The following GNAQ variants were observed in gnomAD, a reference collection of about 807,000 sequenced individuals.
The protein encoded by GNAQ is G protein subunit alpha q, also known as guanine nucleotide-binding protein G(q) subunit alpha.
Under a neutral mutation model 43.9 loss-of-function variants are expected in GNAQ, and 8 were observed. The ratio of observed to expected loss-of-function variants is 0.18; its 90% CI spans 0.11 to 0.33. The LOEUF is 0.33. Ranked by LOEUF, GNAQ falls within the 10% of genes least tolerant of loss-of-function variation. The pLI is 1.00. For missense variants in GNAQ, 158 were observed against 450.8 expected, an observed-to-expected ratio of 0.35 and a Z score of 5.88; for synonymous variants, 155 against 170.7, an observed-to-expected ratio of 0.91 and a Z score of 0.71.
At chr9:77,761,454 G>GT (rs1826019148) in intron 5 of GNAQ, among the ~76,000 whole-genome samples, 1 of 139,318 alleles carries the variant, frequency 7.2e-6, no homozygotes, top group Non-Finnish European at 1.6e-5. Context: ...GAGGTTGGGG[G>GT]GTCAGCCCCC....
chr9:78,026,193 T>C (rs755727903), intron 1 of GNAQ, among the ~76,000 whole-genome samples: 17 of 152,208 alleles, frequency 1.1e-4, no homozygotes, highest in Non-Finnish European at 2.4e-4. Context: ...ATATTTTCAC[T>C]GTTCAGCAGG....
intron 2 of GNAQ, among the ~76,000 whole-genome samples, chr9:77,851,640 C>T (rs1286281916): frequency 6.6e-6 from 1 of 152,220 alleles, no homozygotes; most frequent in Non-Finnish European, 1.5e-5. Context: ...TGCCTCCCCA[C>T]TCCTGATCCC....
chr9:77,724,422 C>T (rs1428085030), intron 6 of GNAQ, among the ~76,000 whole-genome samples: 2 of 152,148 alleles, frequency 1.3e-5, no homozygotes, highest in Non-Finnish European at 2.9e-5. Context: ...GTCTTCAACT[C>T]CTGGCCTCAA....
chr9:77,728,004 C>CTT (rs546463364), intron 6 of GNAQ, among the ~76,000 whole-genome samples: 10,477 of 148,634 alleles, frequency 0.07, 767 homozygotes, highest in East Asian at 0.27. Flanking sequence ...AGTTTCTTTT[C>CTT]TTTTTTTTTT....
At chr9:78,028,978 G>GA (rs1022787690) in intron 1 of GNAQ, among the ~76,000 whole-genome samples, 1 of 151,724 alleles carries the variant, frequency 6.6e-6, no homozygotes, top group African/African-American at 2.4e-5. Flanking sequence ...CTAATAAGAG[G>GA]AAAAAAAAGT....
intron 4 of GNAQ, among the ~76,000 whole-genome samples, chr9:77,794,978 G>A (rs780969845): frequency 3.3e-5 from 5 of 152,066 alleles, no homozygotes; most frequent in East Asian, 1.9e-4. Flanking sequence ...CTATAAAATC[G>A]GAAAAAAGAT....
chr9:77,989,084 T>A (rs943969572), intron 1 of GNAQ, among the ~76,000 whole-genome samples: 2 of 152,190 alleles, frequency 1.3e-5, no homozygotes, highest in Non-Finnish European at 2.9e-5. Context: ...AACTTTTTTT[T>A]AGTAAAATTA....
At position 77,788,097 on chromosome 9, in the gene GNAQ, C is replaced by T. The variant is rs76017554; in HGVS notation, c.735+6366G>A. ...TTCTGCAAAATAAACAAAATGAAAACGACAAACCATGTAGTGACAGATAAT... is the reference window on the plus strand; with the variant it reads ...TTCTGCAAAATAAACAAAATGAAAATGACAAACCATGTAGTGACAGATAAT... On this transcript the variant is annotated intron_variant, in intron 5 of 6. Coordinates refer to ENST00000286548, the MANE Select transcript of GNAQ (RefSeq NM_002072.5). Among the ~76,000 whole-genome samples, 1,124 of 152,166 alleles carry T rather than the reference C, an allele frequency of 7.4e-3. 12 individuals are homozygous for T. Among genetic ancestry groups the T allele is most frequent in the African/African-American group, 0.025 (1,057 of 41,536 alleles).
At chr9:77,910,985 G>A (rs1459306841) in intron 2 of GNAQ, among the ~76,000 whole-genome samples, 10 of 152,166 alleles carry the variant, frequency 6.6e-5, no homozygotes, top group African/African-American at 2.2e-4. Context: ...GTGTTCACTC[G>A]TTAATTCATT....
chr9:77,884,953 T>C (rs1194022542), intron 2 of GNAQ, among the ~76,000 whole-genome samples: 1 of 152,200 alleles, frequency 6.6e-6, no homozygotes, highest in Admixed American at 6.5e-5. Flanking sequence ...CACCCATTTC[T>C]CAAAGCTTTA....
At chr9:77,950,061 ACTCTT>A (rs970387589) in intron 1 of GNAQ, among the ~76,000 whole-genome samples, 1 of 151,694 alleles carries the variant, frequency 6.6e-6, no homozygotes, top group Non-Finnish European at 1.5e-5. Flanking sequence ...ATTTACCCTG[ACTCTT>A]CTCTTATCAA....
intron 1 of GNAQ, among the ~76,000 whole-genome samples, chr9:77,933,908 G>A (rs969795166): frequency 6.6e-6 from 1 of 152,074 alleles, no homozygotes; most frequent in African/African-American, 2.4e-5. Context: ...GCAGCGGCTG[G>A]GAAATTATGG....
At chr9:77,782,459 C>G (rs1186270036) in intron 5 of GNAQ, among the ~76,000 whole-genome samples, 1 of 152,112 alleles carries the variant, frequency 6.6e-6, no homozygotes, top group Non-Finnish European at 1.5e-5. Flanking sequence ...TACTACACAC[C>G]TATTAGAATG....
At chr9:78,016,515 C>T (rs908144089) in intron 1 of GNAQ, among the ~76,000 whole-genome samples, 1 of 152,054 alleles carries the variant, frequency 6.6e-6, no homozygotes, top group African/African-American at 2.4e-5. Flanking sequence ...GAAGCCCTGT[C>T]TCTACTAAAA....
chr9:77,882,322 G>C (rs1828226381), intron 2 of GNAQ, among the ~76,000 whole-genome samples: 1 of 152,148 alleles, frequency 6.6e-6, no homozygotes, highest in Admixed American at 6.5e-5. Flanking sequence ...TACTGTTCCA[G>C]ATCTTGTATT....
At chr9:77,791,289 A>G (rs1826567421) in intron 5 of GNAQ, among the ~76,000 whole-genome samples, 1 of 152,198 alleles carries the variant, frequency 6.6e-6, no homozygotes, top group Non-Finnish European at 1.5e-5. Flanking sequence ...GAAAATCAGA[A>G]AAATAAAGAT....
intron 1 of GNAQ, among the ~76,000 whole-genome samples, chr9:77,963,467 G>A (rs1240127616): frequency 6.6e-6 from 1 of 151,956 alleles, no homozygotes; most frequent in African/African-American, 2.4e-5. Context: ...AAACAACTAG[G>A]ATCAAGAGCC....
intron 2 of GNAQ, among the ~76,000 whole-genome samples, chr9:77,830,098 A>C (rs1193559738): frequency 6.6e-6 from 1 of 152,140 alleles, no homozygotes; most frequent in African/African-American, 2.4e-5. Context: ...GACTACAAGC[A>C]TGCGCCACCA....
intron 2 of GNAQ, among the ~76,000 whole-genome samples, chr9:77,894,865 A>G (rs118040504): frequency 0.015 from 2,286 of 152,100 alleles, 22 homozygotes; most frequent in Non-Finnish European, 0.025. Context: ...CCTCAATATA[A>G]TATTTTCTCT....
Sources: allele counts gnomAD v4.1 joint callset (sites outside exome capture counted in the v4.1 genomes callset), GRCh38; gene constraint gnomAD v4.1.1; transcripts MANE v1.5; gene names NCBI Gene and HGNC (gene_info 2026-07-23, HGNC 2026-07-21).